The following PLPP4 variants were observed in gnomAD, a reference collection of about 807,000 sequenced individuals.
PLPP4 encodes phospholipid phosphatase 4, also known as diacylglycerol pyrophosphate like 2.
A neutral mutation model predicts 32.2 loss-of-function variants in PLPP4; 20 were observed. That is an observed-to-expected ratio of 0.62 (90% CI 0.44 to 0.90). PLPP4 has a LOEUF of 0.90. PLPP4 is among the 40% of genes least tolerant of loss of function. PLPP4 has a pLI of 0.00. For missense variants in PLPP4, 257 were observed against 353.1 expected (o/e 0.73, Z 2.18); for synonymous variants, 127 against 133.0 (o/e 0.95, Z 0.31).
intron 1 of PLPP4, among the ~76,000 whole-genome samples, chr10:120,498,287 T>C (rs1047958553): frequency 5.2e-5 from 7 of 133,416 alleles, no homozygotes; most frequent in Admixed American, 1.7e-4. Context: ...AGTTAACAAT[T>C]CATGAATGCT....
rs35692314 is a variant in PLPP4, at chr10:120,566,543, C to CTTT, written c.446-8575_446-8573dup. Among the ~76,000 whole-genome samples the CTTT allele has an allele frequency of 5.0e-5, 7 of 141,038 alleles. 1 individual carries two copies. The highest frequency in any genetic ancestry group is 7.1e-5 in the Admixed American group (1 of 14,098). The allele number at this position is 141,038 out of a possible 152,430, so 92.5% of individuals were successfully genotyped here. On this transcript the variant is annotated intron_variant, in intron 5 of 6. Transcript: ENST00000398250. ...GGGCAGACTTCTTTTCCTACTTATTCTTTTTTTTTTTTTTTGTCAGACGGA... is the reference window on the plus strand; with the variant it reads ...GGGCAGACTTCTTTTCCTACTTATTCTTTTTTTTTTTTTTTTTTGTCAGACGGA...
intron 1 of PLPP4, among the ~76,000 whole-genome samples, chr10:120,494,408 A>G (rs1480406650): frequency 6.6e-6 from 1 of 152,130 alleles, no homozygotes; most frequent in Non-Finnish European, 1.5e-5. Flanking sequence ...TAAAAATCCA[A>G]CCCAGGAGAG....
intron 5 of PLPP4, among the ~76,000 whole-genome samples, chr10:120,562,782 C>T (rs994222344): frequency 2.0e-5 from 3 of 152,118 alleles, no homozygotes; most frequent in Non-Finnish European, 4.4e-5. Context: ...TGATAATATT[C>T]TGTTTAAGAC....
At chr10:120,586,681 T>C (rs1187342357) in intron 6 of PLPP4, among the ~76,000 whole-genome samples, 1 of 152,184 alleles carries the variant, frequency 6.6e-6, no homozygotes, top group Non-Finnish European at 1.5e-5. Context: ...TCAACAAACA[T>C]AATTATGCTG....
In PLPP4 at chr10:120,590,314, G is replaced by A. The variant is rs573350429; in HGVS notation, c.*812G>A. Among the ~76,000 whole-genome samples, 3 of 152,320 alleles carry A rather than the reference G, an allele frequency of 2.0e-5. No individual in the cohort carries two copies. Among genetic ancestry groups the A allele is most frequent in the African/African-American group, 4.8e-5 (2 of 41,578 alleles). On this transcript the variant is annotated 3_prime_UTR_variant, in exon 7 of 7. Coordinates refer to ENST00000398250, the MANE Select transcript of PLPP4 (RefSeq NM_001030059.3). ...CTCTTCTGCAAGAAGTGATGTGACC[G>A]ATCTCACAGATCAGAAACCGCATGC...
At chr10:120,511,750 G>A (rs962039751) in intron 2 of PLPP4, among the ~76,000 whole-genome samples, 17 of 152,122 alleles carry the variant, frequency 1.1e-4, no homozygotes, top group Middle Eastern at 3.2e-3. Flanking sequence ...AAAGTCTAAG[G>A]CATAATTCTC....
chr10:120,480,874 T>TTA (rs1844168495), intron 1 of PLPP4, among the ~76,000 whole-genome samples: 2 of 152,166 alleles, frequency 1.3e-5, no homozygotes, highest in Admixed American at 1.3e-4. Context: ...GGGCTCTACT[T>TTA]TATCTGAGGA....
intron 5 of PLPP4, among the ~76,000 whole-genome samples, chr10:120,529,529 A>C (rs1226224540): frequency 6.6e-6 from 1 of 152,228 alleles, no homozygotes; most frequent in African/African-American, 2.4e-5. Context: ...AAAAGATCAG[A>C]GTCAGATTAA....
At chr10:120,479,049 AC>A (rs1238276174) in intron 1 of PLPP4, among the ~76,000 whole-genome samples, 3 of 152,258 alleles carry the variant, frequency 2.0e-5, no homozygotes, top group Non-Finnish European at 4.4e-5. Context: ...ACATGGTGAA[AC>A]CCCATCTCTA....
intron 2 of PLPP4, among the ~76,000 whole-genome samples, chr10:120,511,627 G>A (rs1402665163): frequency 2.0e-5 from 3 of 152,128 alleles, no homozygotes; most frequent in African/African-American, 7.2e-5. Flanking sequence ...TAAGCTGGTA[G>A]CCTTCATGTT....
chr10:120,457,107 G>T (rs1367074704), upstream of PLPP4: 3 of 233,394 alleles, frequency 1.3e-5, no homozygotes, highest in Non-Finnish European at 1.6e-5. Flanking sequence ...GCGGCTTCCC[G>T]GAGCCCCGGA....
intron 1 of PLPP4, among the ~76,000 whole-genome samples, chr10:120,475,190 C>T (rs1334752771): frequency 6.6e-6 from 1 of 152,040 alleles, no homozygotes; most frequent in Admixed American, 6.6e-5. Context: ...TACCCAGCAG[C>T]TCCCTGGGAG....
intron 6 of PLPP4, among the ~76,000 whole-genome samples, chr10:120,588,307 C>T (rs1170299442): frequency 2.0e-5 from 3 of 152,178 alleles, no homozygotes; most frequent in African/African-American, 4.8e-5. Context: ...TTCTCTTTGG[C>T]AGGGGGCTGC....
intron 2 of PLPP4, among the ~76,000 whole-genome samples, chr10:120,509,455 G>T (rs766149190): frequency 1.6e-4 from 25 of 152,120 alleles, no homozygotes; most frequent in Non-Finnish European, 3.4e-4. Flanking sequence ...CCTGCTTAAT[G>T]ATACATACAC....
At chr10:120,512,089 G>A (rs1048311958) in intron 2 of PLPP4, among the ~76,000 whole-genome samples, 8 of 151,350 alleles carry the variant, frequency 5.3e-5, no homozygotes, top group East Asian at 1.9e-4. Flanking sequence ...GTGAGACTCC[G>A]TCTCAAAAAA....
intron 5 of PLPP4, among the ~76,000 whole-genome samples, chr10:120,564,145 A>C (rs184222592): frequency 2.2e-4 from 34 of 152,194 alleles, no homozygotes; most frequent in African/African-American, 7.5e-4. Flanking sequence ...CATTAGCTAT[A>C]TTCTATAAGT....
chr10:120,527,288 C>T (rs1224923688), intron 5 of PLPP4, among the ~76,000 whole-genome samples: 1 of 152,092 alleles, frequency 6.6e-6, no homozygotes, highest in Non-Finnish European at 1.5e-5. Context: ...GTTGACCCCC[C>T]AAATATGCGG....
intron 2 of PLPP4, among the ~76,000 whole-genome samples, chr10:120,505,189 C>T (rs1845439486): frequency 6.6e-6 from 1 of 152,230 alleles, no homozygotes; most frequent in Admixed American, 6.5e-5. Context: ...TGCCCAAGGT[C>T]ACACAGCTAG....
chr10:120,552,046 C>T (rs1198496413), intron 5 of PLPP4, among the ~76,000 whole-genome samples: 1 of 151,998 alleles, frequency 6.6e-6, no homozygotes, highest in East Asian at 1.9e-4. Context: ...TAATACCTGG[C>T]CAGACTTGTA....
Sources: gnomAD v4.1 joint callset for allele counts (sites outside exome capture counted in the v4.1 genomes callset) on GRCh38, gnomAD v4.1.1 for gene constraint, MANE v1.5 for transcripts, NCBI Gene and HGNC (gene_info 2026-07-23, HGNC 2026-07-21) for gene names.